The following THRB variants were observed in gnomAD, a reference collection of about 807,000 sequenced individuals.
THRB encodes nuclear receptor subfamily 1 group A member 2.
In THRB, 12 loss-of-function variants were observed where a neutral mutation model predicts 47.8. That is an observed-to-expected ratio of 0.25 (90% CI 0.16 to 0.41). THRB has a LOEUF of 0.41. THRB is among the 10% of genes least tolerant of loss of function. The pLI is 1.00. For synonymous variants in THRB, 218 were observed against 212.2 expected (o/e 1.03, Z -0.24); for missense variants, 348 against 589.2 (o/e 0.59, Z 4.24).
intron 1 of THRB, among the ~76,000 whole-genome samples, chr3:24,418,321 T>G (rs953811282): frequency 2.6e-5 from 4 of 151,766 alleles, no homozygotes; most frequent in Non-Finnish European, 5.9e-5. Context: ...CATAAGACTT[T>G]TAAAAGACTT....
intron 1 of THRB, among the ~76,000 whole-genome samples, chr3:24,457,823 A>G (rs2125612879): frequency 6.6e-6 from 1 of 152,330 alleles, no homozygotes; most frequent in South Asian, 2.1e-4. Context: ...TCTCTGAAAC[A>G]GCAGATCAGA....
At chr3:24,142,956 T>C (rs6803316) in intron 8 of THRB, among the ~76,000 whole-genome samples, 5,713 of 152,290 alleles carry the variant, frequency 0.038, 384 homozygotes, top group African/African-American at 0.13. Context: ...AGGTCTTTTT[T>C]CTCTACACAC....
intron 1 of THRB, among the ~76,000 whole-genome samples, chr3:24,341,003 GC>G (rs1220660886): frequency 1.3e-5 from 2 of 150,274 alleles, no homozygotes; most frequent in Non-Finnish European, 3.0e-5. Context: ...TCAATGATTT[GC>G]CCATGGTTTT....
chr3:24,419,385 C>G (rs1187050288), intron 1 of THRB, among the ~76,000 whole-genome samples: 1 of 151,830 alleles, frequency 6.6e-6, no homozygotes, highest in African/African-American at 2.4e-5. Flanking sequence ...TATTCTCATT[C>G]CTATCCTTCC....
chr3:24,194,699 G>A (rs962139015), intron 4 of THRB, among the ~76,000 whole-genome samples: 5 of 152,070 alleles, frequency 3.3e-5, no homozygotes, highest in African/African-American at 7.2e-5. Flanking sequence ...AACATAAATC[G>A]CATTAACATA....
At chr3:24,149,239 C>T (rs2149063572) in intron 6 of THRB, among the ~76,000 whole-genome samples, 2 of 152,282 alleles carry the variant, frequency 1.3e-5, no homozygotes, top group South Asian at 4.1e-4. Flanking sequence ...GGTAGCACGC[C>T]TCCTTCTGGA....
At chr3:24,431,255 TCTCTCTACAC>T (rs1193857525) in intron 1 of THRB, 1 of 91,012 alleles carries the variant, frequency 1.1e-5, no homozygotes, top group Non-Finnish European at 2.5e-5. Context: ...TCTCTCTCTC[TCTCTCTACAC>T]ACACACACAC....
intron 1 of THRB, among the ~76,000 whole-genome samples, chr3:24,470,050 C>G (rs1006503132): frequency 5.9e-5 from 9 of 152,162 alleles, no homozygotes; most frequent in African/African-American, 2.2e-4. Flanking sequence ...CCAAGAAATA[C>G]TCCCAAAGCT....
Position 24,244,124 on chromosome 3 carries a change from A to T in THRB, c.-42-15123T>A, listed in dbSNP as rs116951816. 2.1e-3 allele frequency among the ~76,000 whole-genome samples: 322 copies of T among 152,228 alleles called. 5 individuals carry two copies. The East Asian group carries it at 0.048, about 22-fold the overall frequency. ...GGATGGGGAGTGACTGCTCATGGAT[A>T]CAAGGGATCCTTTTGGGGTGGATGA... On this transcript the variant is annotated intron_variant, in intron 3 of 10. Transcript: ENST00000646209.
chr3:24,148,347 G>A (rs949748693), intron 6 of THRB, among the ~76,000 whole-genome samples: 6 of 151,884 alleles, frequency 4.0e-5, no homozygotes, highest in Non-Finnish European at 8.8e-5. Flanking sequence ...GGCTGGTCTC[G>A]AACTCCTGGC....
At chr3:24,391,085 G>C (rs1296518350) in intron 1 of THRB, among the ~76,000 whole-genome samples, 1 of 152,100 alleles carries the variant, frequency 6.6e-6, no homozygotes. Flanking sequence ...GTGCCCTTGG[G>C]ACAGGTGAGC....
intron 1 of THRB, among the ~76,000 whole-genome samples, chr3:24,342,602 T>C (rs2062744579): frequency 6.6e-6 from 1 of 152,164 alleles, no homozygotes; most frequent in South Asian, 2.1e-4. Flanking sequence ...TTCCAATGGC[T>C]GAACCCAGAG....
chr3:24,209,466 C>T (rs552867069), intron 4 of THRB, among the ~76,000 whole-genome samples: 2 of 152,250 alleles, frequency 1.3e-5, no homozygotes, highest in African/African-American at 2.4e-5. Flanking sequence ...GAAAATGTGG[C>T]ACATATACAC....
chr3:24,212,030 G>C (rs1195029345), intron 4 of THRB, among the ~76,000 whole-genome samples: 6 of 152,042 alleles, frequency 3.9e-5, no homozygotes, highest in African/African-American at 1.4e-4. Flanking sequence ...TTGGGAGGCT[G>C]AGGCAGGCGG....
At chr3:24,345,379 A>C (rs1158269208) in intron 1 of THRB, among the ~76,000 whole-genome samples, 1 of 152,106 alleles carries the variant, frequency 6.6e-6, no homozygotes, top group East Asian at 1.9e-4. Context: ...GAATCTGGGG[A>C]TTGAGGCTGT....
chr3:24,490,107 T>C (rs535640444), intron 1 of THRB, among the ~76,000 whole-genome samples: 1 of 152,312 alleles, frequency 6.6e-6, no homozygotes, highest in African/African-American at 2.4e-5. Context: ...AATTTCAGAA[T>C]CCTTTTGTAT....
intron 1 of THRB, among the ~76,000 whole-genome samples, chr3:24,386,288 G>T (rs759330538): frequency 6.6e-6 from 1 of 152,008 alleles, no homozygotes; most frequent in Non-Finnish European, 1.5e-5. Context: ...TACTTGCCCT[G>T]TTCTTACCCT....
In THRB at chr3:24,122,809, CAAAA is replaced by C; in HGVS notation, c.*71_*74del. 6.2e-7 allele frequency: 1 copy of C among 1,605,538 alleles called. No homozygotes were observed. Among genetic ancestry groups the C allele is most frequent in the Non-Finnish European group, 8.5e-7 (1 of 1,172,652 alleles). On this transcript the variant is annotated 3_prime_UTR_variant, in exon 11 of 11. Transcript: ENST00000646209. ...ATCCCTCCCAACACAAAGAAACAAA[CAAAA>C]AAGAGCTAGGCAATGGAATGAAATG...
intron 1 of THRB, among the ~76,000 whole-genome samples, chr3:24,442,057 C>T (rs1293581105): frequency 6.6e-6 from 1 of 151,934 alleles, no homozygotes; most frequent in Non-Finnish European, 1.5e-5. Context: ...CTTTAAATAC[C>T]TGTAGTATCC....
Sources: gnomAD v4.1 joint callset for allele counts (sites outside exome capture counted in the v4.1 genomes callset) on GRCh38, gnomAD v4.1.1 for gene constraint, MANE v1.5 for transcripts, NCBI Gene and HGNC (gene_info 2026-07-23, HGNC 2026-07-21) for gene names.